Variants in COG5 observed in about 807,000 individuals in gnomAD.
COG5 encodes component of oligomeric golgi complex 5.
A neutral mutation model predicts 110.4 loss-of-function variants in COG5; 86 were observed. The ratio of observed to expected loss-of-function variants is 0.78; its 90% confidence interval spans 0.65 to 0.93. The LOEUF is 0.93. COG5 is among the 40% of genes least tolerant of loss of function. The pLI is 0.00. For missense variants in COG5, 1,077 were observed against 987.0 expected (o/e 1.09, Z -1.22); for synonymous variants, 360 against 334.6 (o/e 1.08, Z -0.83).
chr7:107,405,644 C>T (rs1478066234), intron 7 of COG5, among the ~76,000 whole-genome samples: 1 of 152,184 alleles, frequency 6.6e-6, no homozygotes, highest in East Asian at 1.9e-4. Context: ...AATGTTAATA[C>T]TGGCAGATAA....
intron 16 of COG5, among the ~76,000 whole-genome samples, chr7:107,251,732 A>G (rs1268397756): frequency 1.3e-5 from 2 of 152,202 alleles, no homozygotes; most frequent in African/African-American, 4.8e-5. Flanking sequence ...ACAACGTTAA[A>G]TGTTTATTTG....
rs758443491 is a variant in COG5 at position 107,203,638 on chromosome 7, C to G, written c.2376-8G>C. The G allele has an allele frequency of 1.3e-6, 2 of 1,567,172 alleles. No homozygotes were observed. Among genetic ancestry groups the G allele is most frequent in the South Asian group, 2.2e-5 (2 of 90,096 alleles). On this transcript the variant is annotated splice_polypyrimidine_tract_variant and splice_region_variant and intron_variant, in intron 21 of 21. Transcript: ENST00000297135. ...TAAGCTTCCAGGGCTCCCCTGAAAA[C>G]CAAAATGAAAACAATGTCAAAATAT...
At chr7:107,488,264 AT>A (rs1379068416) in intron 6 of COG5, among the ~76,000 whole-genome samples, 1 of 151,646 alleles carries the variant, frequency 6.6e-6, no homozygotes, top group African/African-American at 2.4e-5. Flanking sequence ...TAAGTGTAAA[AT>A]TATATTATTA....
rs548759679 is a variant in COG5, at chr7:107,541,015, G to A, written c.417+7096C>T. Among the ~76,000 whole-genome samples, 136 of 152,160 alleles carry A rather than the reference G, an allele frequency of 8.9e-4. 2 individuals are homozygous for A. Among genetic ancestry groups the A allele is most frequent in the Non-Finnish European group, 1.2e-4 (8 of 67,992 alleles). ...AAAATACAAAAATTAGCCAGGTGTTGTGGCACATGCCTGTAATCCCAGCTA... is the reference window on the plus strand; with the variant it reads ...AAAATACAAAAATTAGCCAGGTGTTATGGCACATGCCTGTAATCCCAGCTA... On this transcript the variant is annotated intron_variant, in intron 5 of 21. Coordinates refer to ENST00000297135, the MANE Select transcript of COG5 (RefSeq NM_006348.5).
intron 5 of COG5, among the ~76,000 whole-genome samples, chr7:107,528,243 C>T (rs1182082204): frequency 6.6e-6 from 1 of 152,014 alleles, no homozygotes; most frequent in African/African-American, 2.4e-5. Context: ...AGGCGTGTGC[C>T]ACCATGCCTG....
rs555975742 is a variant in COG5, at chr7:107,417,184, T to C, written c.539-4552A>G. 2.0e-5 allele frequency among the ~76,000 whole-genome samples: 3 copies of C among 152,320 alleles called. 1 individual carries two copies. Among genetic ancestry groups the C allele is most frequent in the South Asian group, 4.1e-4 (2 of 4,830 alleles). On this transcript the variant is annotated intron_variant, in intron 6 of 21. Transcript: ENST00000297135. ...CACACCAACTTTATAAAGAGCACCATACAAATATATGTCTCAGAAGCAACC... is the reference window on the plus strand; with the variant it reads ...CACACCAACTTTATAAAGAGCACCACACAAATATATGTCTCAGAAGCAACC...
chr7:107,534,825 G>A (rs1801464917), intron 5 of COG5, among the ~76,000 whole-genome samples: 1 of 151,530 alleles, frequency 6.6e-6, no homozygotes, highest in Non-Finnish European at 1.5e-5. Flanking sequence ...AGACCTAATA[G>A]ACATCTACAG....
At chr7:107,435,230 A>T (rs1794292993) in intron 6 of COG5, among the ~76,000 whole-genome samples, 1 of 152,188 alleles carries the variant, frequency 6.6e-6, no homozygotes, top group Non-Finnish European at 1.5e-5. Flanking sequence ...AATCTGTTCT[A>T]CAACAATATA....
At chr7:107,236,311 TTAAC>T in intron 18 of COG5, 135 bp downstream of exon 18, 1 of 678,416 alleles carries the variant, frequency 1.5e-6, no homozygotes, top group Non-Finnish European at 2.6e-6. Flanking sequence ...CTTTTTTTTT[TTAAC>T]TATTTATGCT....
intron 10 of COG5, among the ~76,000 whole-genome samples, chr7:107,333,374 C>T (rs961957219): frequency 6.6e-6 from 1 of 152,076 alleles, no homozygotes; most frequent in Admixed American, 6.5e-5. Flanking sequence ...ATGAACACCA[C>T]AGAGCAAAGT....
chr7:107,217,613 T>C (rs1316902929), intron 19 of COG5, among the ~76,000 whole-genome samples: 2 of 152,074 alleles, frequency 1.3e-5, no homozygotes, highest in East Asian at 3.8e-4. Flanking sequence ...ATGTGATGCA[T>C]CGTATCAGCA....
chr7:107,256,635 A>G, intron 16 of COG5, 97 bp downstream of exon 16: 2 of 765,266 alleles, frequency 2.6e-6, no homozygotes. Context: ...TATATAGAGG[A>G]TTCTGAATTA....
chr7:107,294,622 C>T (rs1806442198), intron 12 of COG5, among the ~76,000 whole-genome samples: 1 of 151,902 alleles, frequency 6.6e-6, no homozygotes, highest in Non-Finnish European at 1.5e-5. Context: ...CCTCTCTGAT[C>T]CAATCTTAAA....
intron 6 of COG5, among the ~76,000 whole-genome samples, chr7:107,464,325 T>C (rs1348896435): frequency 2.0e-5 from 3 of 152,210 alleles, no homozygotes; most frequent in African/African-American, 7.2e-5. Context: ...CTTAGGGCCC[T>C]GAGGCTTGCT....
At position 107,551,137 on chromosome 7, in the gene COG5, G is replaced by C. The variant is rs541350481; in HGVS notation, c.293-2805C>G. On this transcript the variant is annotated intron_variant, in intron 3 of 21. Coordinates refer to ENST00000297135, the MANE Select transcript of COG5 (RefSeq NM_006348.5). ...GGCTCACTGCAAGCTCCACCTCCGG[G>C]GTTCACGCCATTCTCCTGCCTCAGC... 1.2e-3 allele frequency among the ~76,000 whole-genome samples: 189 copies of C among 152,174 alleles called. 2 individuals carry two copies. The highest frequency in any genetic ancestry group is 4.3e-3 in the African/African-American group (180 of 41,518).
chr7:107,440,654 G>A (rs1190196799), intron 6 of COG5, among the ~76,000 whole-genome samples: 2 of 152,084 alleles, frequency 1.3e-5, no homozygotes, highest in African/African-American at 2.4e-5. Flanking sequence ...AGGGAAAAGA[G>A]GCTGAAAACT....
At chr7:107,266,280 T>C (rs759102153) in intron 14 of COG5, among the ~76,000 whole-genome samples, 3 of 152,164 alleles carry the variant, frequency 2.0e-5, no homozygotes, top group South Asian at 4.1e-4. Flanking sequence ...GCTAAAACTA[T>C]CAGAAAATAT....
intron 11 of COG5, among the ~76,000 whole-genome samples, chr7:107,304,504 T>C (rs1167921326): frequency 6.6e-6 from 1 of 152,094 alleles, no homozygotes; most frequent in African/African-American, 2.4e-5. Flanking sequence ...GAAAAGGGGG[T>C]CTAGGTTTGG....
chr7:107,334,782 G>GA (rs948470208), intron 10 of COG5, among the ~76,000 whole-genome samples: 68 of 140,268 alleles, frequency 4.8e-4, no homozygotes, highest in East Asian at 6.2e-4. Flanking sequence ...AATTCTGAAA[G>GA]AAAAAAAAAA....
Sources: gnomAD v4.1 joint callset for allele counts (sites outside exome capture counted in the v4.1 genomes callset) on GRCh38, gnomAD v4.1.1 for gene constraint, MANE v1.5 for transcripts, NCBI Gene and HGNC (gene_info 2026-07-23, HGNC 2026-07-21) for gene names.